The following MOCOS variants were observed in gnomAD, a reference collection of about 807,000 sequenced individuals.
The protein encoded by MOCOS is human molybdenum cofactor sulfurase.
Under a neutral mutation model 83.6 loss-of-function variants are expected in MOCOS, and 86 were observed. The observed-to-expected ratio is 1.03, with a 90% CI of 0.86 to 1.23. The LOEUF is 1.23. Ranked by LOEUF, MOCOS falls within the 50% of genes most tolerant of loss-of-function variation. MOCOS has a pLI of 0.00. For synonymous variants in MOCOS, 445 were observed against 434.7 expected, an observed-to-expected ratio of 1.02 and a Z score of -0.29; for missense variants, 1,120 against 1,126.9, an observed-to-expected ratio of 0.99 and a Z score of 0.09.
intron 13 of MOCOS, among the ~76,000 whole-genome samples, chr18:36,263,330 G>C (rs1026942750): frequency 6.6e-6 from 1 of 152,140 alleles, no homozygotes; most frequent in Non-Finnish European, 1.5e-5. Flanking sequence ...GGCCTTTATT[G>C]CAAAATTATT....
intron 6 of MOCOS, among the ~76,000 whole-genome samples, chr18:36,206,746 T>C (rs938653000): frequency 6.6e-6 from 1 of 152,144 alleles, no homozygotes; most frequent in African/African-American, 2.4e-5. Flanking sequence ...GTATTTAGGT[T>C]TCTGTTTCTG....
Position 36,200,341 on chromosome 18 carries a change from G to A in MOCOS, c.941+17G>A. ...AGCTCAGAGGTAACCTTGCCACAGGGGAGGGGTCAGAGGAGTTCAGCAAGG... is the reference window on the plus strand; with the variant it reads ...AGCTCAGAGGTAACCTTGCCACAGGAGAGGGGTCAGAGGAGTTCAGCAAGG... On this transcript the variant is annotated intron_variant, in intron 4 of 14. Coordinates refer to ENST00000261326, the MANE Select transcript of MOCOS (RefSeq NM_017947.4). 6.2e-7 allele frequency: 1 copy of A among 1,613,712 alleles called. No homozygotes were observed. The highest frequency in any genetic ancestry group is 1.7e-5 in the Admixed American group (1 of 60,000).
chr18:36,227,557 A>C (rs1314314858), intron 9 of MOCOS, among the ~76,000 whole-genome samples: 1 of 151,956 alleles, frequency 6.6e-6, no homozygotes, highest in Non-Finnish European at 1.5e-5. Flanking sequence ...CACCACACCC[A>C]GCTAATTTTT....
At chr18:36,220,268 T>G (rs765611732) in intron 9 of MOCOS, 51 bp downstream of exon 9, 1 of 1,604,354 alleles carries the variant, frequency 6.2e-7, no homozygotes, top group Non-Finnish European at 8.5e-7. Flanking sequence ...GCAGCTTTTA[T>G]ATTCATATGA....
At chr18:36,220,262 C>T in intron 9 of MOCOS, 45 bp downstream of exon 9, 2 of 1,606,680 alleles carry the variant, frequency 1.2e-6, no homozygotes, top group South Asian at 2.2e-5. Context: ...CCAACAGCAG[C>T]TTTTATATTC....
intron 10 of MOCOS, among the ~76,000 whole-genome samples, chr18:36,250,073 T>A (rs904360656): frequency 2.6e-4 from 40 of 152,294 alleles, no homozygotes; most frequent in African/African-American, 9.4e-4. Context: ...CCTGAATACA[T>A]GTGGAATAGC....
At chr18:36,241,087 C>T (rs930608751) in intron 9 of MOCOS, among the ~76,000 whole-genome samples, 3 of 152,074 alleles carry the variant, frequency 2.0e-5, no homozygotes, top group African/African-American at 7.3e-5. Flanking sequence ...CAGAAATCAC[C>T]CGTCTTCTGC....
At chr18:36,222,418 T>C (rs964950431) in intron 9 of MOCOS, among the ~76,000 whole-genome samples, 1 of 152,186 alleles carries the variant, frequency 6.6e-6, no homozygotes, top group African/African-American at 2.4e-5. Flanking sequence ...GTTTGTTTTC[T>C]TTTGACAATA....
intron 9 of MOCOS, among the ~76,000 whole-genome samples, chr18:36,241,139 C>T (rs972026927): frequency 9.2e-5 from 14 of 152,074 alleles, no homozygotes; most frequent in African/African-American, 1.9e-4. Flanking sequence ...TGTTCCTATT[C>T]GGCCATCTTG....
At chr18:36,248,773 G>T (rs2091611778) in intron 9 of MOCOS, 149 bp from the exon 10 acceptor site, 2 of 664,176 alleles carry the variant, frequency 3.0e-6, no homozygotes, top group Admixed American at 4.6e-5. Context: ...TTTATATTTT[G>T]GTTCTGTATC....
At chr18:36,237,570 C>A (rs1475248087) in intron 9 of MOCOS, among the ~76,000 whole-genome samples, 2 of 152,148 alleles carry the variant, frequency 1.3e-5, no homozygotes, top group African/African-American at 4.8e-5. Context: ...CAATGTTCAT[C>A]AAGGATATTG....
At chr18:36,257,148 G>A (rs1184201173) in intron 12 of MOCOS, 75 bp downstream of exon 12, 1 of 1,261,016 alleles carries the variant, frequency 7.9e-7, no homozygotes, top group Admixed American at 1.7e-5. Context: ...GCACCTGCCT[G>A]GAGCGGAGAG....
chr18:36,221,376 TCTTC>T (rs774756270), intron 9 of MOCOS, among the ~76,000 whole-genome samples: 1 of 152,202 alleles, frequency 6.6e-6, no homozygotes, highest in African/African-American at 2.4e-5. Flanking sequence ...CTCCTCCTCC[TCTTC>T]CTTTTTCTTT....
intron 9 of MOCOS, among the ~76,000 whole-genome samples, chr18:36,224,609 C>T (rs1359663880): frequency 1.3e-5 from 2 of 152,132 alleles, no homozygotes; most frequent in Non-Finnish European, 1.5e-5. Flanking sequence ...TATGTTGAAT[C>T]ATCCTTACAT....
chr18:36,195,020 CA>C (rs2091381659), intron 1 of MOCOS, among the ~76,000 whole-genome samples: 1 of 152,182 alleles, frequency 6.6e-6, no homozygotes, highest in Non-Finnish European at 1.5e-5. Flanking sequence ...TCCAGGTTCA[CA>C]AAAGAGTGAA....
At chr18:36,202,961 G>A in intron 4 of MOCOS, 152 bp from the exon 5 acceptor site, 1 of 759,604 alleles carries the variant, frequency 1.3e-6, no homozygotes, top group Admixed American at 2.0e-5. Context: ...CAACACCTGG[G>A]GATTACAATT....
At chr18:36,210,699 A>G (rs1003305442) in intron 6 of MOCOS, among the ~76,000 whole-genome samples, 2 of 151,650 alleles carry the variant, frequency 1.3e-5, no homozygotes, top group African/African-American at 4.8e-5. Flanking sequence ...AAAAATACAA[A>G]AATTAGCTGG....
At chr18:36,261,393 A>G (rs1332452321) in intron 13 of MOCOS, among the ~76,000 whole-genome samples, 1 of 152,192 alleles carries the variant, frequency 6.6e-6, no homozygotes, top group Non-Finnish European at 1.5e-5. Context: ...AAAAATCTCA[A>G]AATGCTTCTG....
rs544128897 is a variant in MOCOS, at chr18:36,247,578, C to T, written c.1961-1344C>T. 3.3e-5 allele frequency among the ~76,000 whole-genome samples: 5 copies of T among 152,308 alleles called. No homozygotes were observed. In the South Asian group the frequency reaches 1.0e-3, roughly 32 times the overall value. ...GGAGACCAGGAGTCCCTACAGGGCT[C>T]TTCCTGCTGCTGCTTCTACTTTTAT... On this transcript the variant is annotated intron_variant, in intron 9 of 14. Transcript: ENST00000261326.
Sources: gnomAD v4.1 joint callset for allele counts (sites outside exome capture counted in the v4.1 genomes callset) on GRCh38, gnomAD v4.1.1 for gene constraint, MANE v1.5 for transcripts, NCBI Gene and HGNC (gene_info 2026-07-23, HGNC 2026-07-21) for gene names.